DNM3: variants seen among roughly 807,000 people sequenced by gnomAD.
DNM3 encodes the protein dynamin-3.
Under a neutral mutation model 101.6 loss-of-function variants are expected in DNM3, and 47 were observed. The ratio of observed to expected loss-of-function variants is 0.46; its 90% CI spans 0.37 to 0.59. The LOEUF (loss-of-function observed/expected upper bound fraction) is 0.59, where lower values mean the gene tolerates loss of function less well. Among genes scored for constraint, DNM3 ranks in the 20% least tolerant of loss-of-function variants. The probability of loss-of-function intolerance (pLI) is 0.00; values close to 1 mark genes in which losing one functional copy is unlikely to be tolerated. For synonymous variants in DNM3, 385 were observed against 387.9 expected (o/e 0.99, Z 0.09); for missense variants, 849 against 1,085.7 (o/e 0.78, Z 3.06).
At chr1:172,147,705 G>A (rs187110460) in intron 14 of DNM3, among the ~76,000 whole-genome samples, 85 of 152,124 alleles carry the variant, frequency 5.6e-4, no homozygotes, top group African/African-American at 1.9e-3. Flanking sequence ...ATATTTTATA[G>A]CCTTAAGTTT....
At chr1:172,171,042 G>A (rs1006432808) in intron 14 of DNM3, among the ~76,000 whole-genome samples, 3 of 151,666 alleles carry the variant, frequency 2.0e-5, no homozygotes, top group African/African-American at 7.3e-5. Context: ...TCTGTATGCT[G>A]GTCTTGTTTG....
At chr1:171,977,265 C>T (rs1296781740) in intron 2 of DNM3, among the ~76,000 whole-genome samples, 1 of 152,188 alleles carries the variant, frequency 6.6e-6, no homozygotes, top group African/African-American at 2.4e-5. Context: ...ATTACAGGGT[C>T]CCAGCCTTAT....
intron 1 of DNM3, among the ~76,000 whole-genome samples, chr1:171,862,708 C>G (rs1338674576): frequency 6.6e-6 from 1 of 152,026 alleles, no homozygotes; most frequent in Non-Finnish European, 1.5e-5. Flanking sequence ...ATTATACTTC[C>G]AAAGGGTGAC....
At chr1:172,018,878 T>G (rs1414961755) in intron 4 of DNM3, among the ~76,000 whole-genome samples, 1 of 152,166 alleles carries the variant, frequency 6.6e-6, no homozygotes, top group Non-Finnish European at 1.5e-5. Context: ...TTTTAATGTT[T>G]CCTTGTGAAG....
intron 14 of DNM3, among the ~76,000 whole-genome samples, chr1:172,187,300 T>A (rs1558694573): frequency 6.6e-6 from 1 of 152,062 alleles, no homozygotes; most frequent in Non-Finnish European, 1.5e-5. Context: ...TGTAAATTAA[T>A]TTTTACTATA....
At chr1:171,971,592 C>A (rs886095741) in intron 2 of DNM3, among the ~76,000 whole-genome samples, 1 of 151,842 alleles carries the variant, frequency 6.6e-6, no homozygotes, top group Non-Finnish European at 1.5e-5. Context: ...AACGCCACTC[C>A]CAATTGAAAG....
chr1:172,298,687 T>A (rs1206921796), intron 15 of DNM3, among the ~76,000 whole-genome samples: 1 of 152,050 alleles, frequency 6.6e-6, no homozygotes, highest in Non-Finnish European at 1.5e-5. Flanking sequence ...TCCTAAGCCA[T>A]CATCTTCCCG....
intron 20 of DNM3, among the ~76,000 whole-genome samples, chr1:172,404,302 C>T (rs1224706255): frequency 5.9e-5 from 9 of 151,932 alleles, no homozygotes; most frequent in Admixed American, 2.0e-4. Flanking sequence ...TAGGGACATC[C>T]TTAAAGAGCT....
intron 14 of DNM3, 118 bp downstream of exon 14, chr1:172,131,406 C>A: frequency 2.5e-6 from 2 of 803,166 alleles, no homozygotes; most frequent in South Asian, 2.0e-5. Flanking sequence ...TGAGATTAAG[C>A]TTGGAATGTT....
chr1:172,009,142 ATATAT>A (rs963056361), intron 4 of DNM3, among the ~76,000 whole-genome samples: 38 of 138,908 alleles, frequency 2.7e-4, no homozygotes, highest in African/African-American at 9.6e-4. Context: ...TTTATATTAT[ATATAT>A]TATATGATAT....
intron 4 of DNM3, among the ~76,000 whole-genome samples, chr1:172,031,331 A>T (rs958796185): frequency 6.6e-6 from 1 of 152,194 alleles, no homozygotes; most frequent in Non-Finnish European, 1.5e-5. Context: ...GTTCTCACTC[A>T]TAAGTGGGAG....
intron 14 of DNM3, chr1:172,142,002 C>G (rs1362914321): frequency 1.3e-5 from 2 of 152,044 alleles, no homozygotes; most frequent in Non-Finnish European, 2.9e-5. Context: ...TAACCCAGTA[C>G]CTAGTCCAAT....
At chr1:172,365,594 T>C (rs2067970422) in intron 17 of DNM3, among the ~76,000 whole-genome samples, 1 of 151,968 alleles carries the variant, frequency 6.6e-6, no homozygotes, top group African/African-American at 2.4e-5. Flanking sequence ...TCGTTGCATT[T>C]TTAAAGATTA....
At chr1:171,912,693 C>T (rs2039404989) in intron 1 of DNM3, among the ~76,000 whole-genome samples, 1 of 152,200 alleles carries the variant, frequency 6.6e-6, no homozygotes, top group African/African-American at 2.4e-5. Flanking sequence ...CCTCTAATTA[C>T]ATCTTACTGG....
At chr1:172,400,456 GAAGGGGCAGGACAGGAGAAAAGGAGGA>G (rs1412057400) in intron 20 of DNM3, among the ~76,000 whole-genome samples, 3 of 151,880 alleles carry the variant, frequency 2.0e-5, no homozygotes, top group East Asian at 1.9e-4. Flanking sequence ...GGGAAGGAGG[GAAGGGGCAGGACAGGAGAAAAGGAGGA>G]AAGGAAGGAG....
intron 15 of DNM3, among the ~76,000 whole-genome samples, chr1:172,272,506 A>G (rs557784315): frequency 6.6e-6 from 1 of 152,224 alleles, no homozygotes; most frequent in South Asian, 2.1e-4. Flanking sequence ...ATGTTAATAT[A>G]TTTGTTGCTC....
intron 4 of DNM3, among the ~76,000 whole-genome samples, chr1:171,993,316 C>T (rs1006883289): frequency 6.6e-6 from 1 of 151,740 alleles, no homozygotes; most frequent in Non-Finnish European, 1.5e-5. Context: ...TTTTGTTTAT[C>T]TTGGAATGTC....
At chr1:172,359,642 C>A (rs2067641479) in intron 17 of DNM3, among the ~76,000 whole-genome samples, 1 of 150,634 alleles carries the variant, frequency 6.6e-6, no homozygotes, top group African/African-American at 2.4e-5. Flanking sequence ...AAAAAAAAAC[C>A]TTAAGTAGCT....
At chr1:172,396,385 G>A (rs2070001766) in intron 20 of DNM3, among the ~76,000 whole-genome samples, 1 of 152,130 alleles carries the variant, frequency 6.6e-6, no homozygotes, top group Non-Finnish European at 1.5e-5. Flanking sequence ...CTCCTATTGG[G>A]AATTAATTTA....
Sources: allele counts gnomAD v4.1 joint callset (sites outside exome capture counted in the v4.1 genomes callset), GRCh38; gene constraint gnomAD v4.1.1; transcripts MANE v1.5; gene names NCBI Gene and HGNC (gene_info 2026-07-23, HGNC 2026-07-21).